Variants in IQSEC1 observed in about 807,000 individuals in gnomAD.
The protein encoded by IQSEC1 is IQ motif and Sec7 domain ArfGEF 1, also known as IQ motif and SEC7 domain-containing protein 1.
In IQSEC1, 31 loss-of-function variants were observed where a neutral mutation model predicts 91.0. The ratio of observed to expected loss-of-function variants is 0.34; its 90% CI spans 0.26 to 0.46. The LOEUF (loss-of-function observed/expected upper bound fraction) is 0.46, where lower values mean the gene tolerates loss of function less well. Ranked by LOEUF, IQSEC1 falls within the 20% of genes least tolerant of loss-of-function variation. IQSEC1 has a pLI of 1.00. For missense variants in IQSEC1, 1,388 were observed against 1,575.6 expected, an observed-to-expected ratio of 0.88 and a Z score of 2.02; for synonymous variants, 699 against 662.6, an observed-to-expected ratio of 1.05 and a Z score of -0.84.
At chr3:13,015,492 GCAGGCTGCC>G in intron 1 of IQSEC1, 1 of 891,932 alleles carries the variant, frequency 1.1e-6, no homozygotes, top group Non-Finnish European at 1.3e-6. Context: ...CCTCACCACG[GCAGGCTGCC>G]CTGACAGTCG....
At chr3:13,047,599 AG>A (rs1004103983) in intron 1 of IQSEC1, 1 of 735,700 alleles carries the variant, frequency 1.4e-6, no homozygotes, top group African/African-American at 1.9e-5. Context: ...ATGTCCACTC[AG>A]GCCCCAGCAG....
chr3:13,075,743 C>T (rs985498277), upstream of IQSEC1, among the ~76,000 whole-genome samples: 11 of 152,362 alleles, frequency 7.2e-5, no homozygotes, highest in East Asian at 1.7e-3. Context: ...GTGCCTACAA[C>T]CCACCTGCAC....
At chr3:13,203,313 C>T (rs1694280977) in intron 1 of IQSEC1, among the ~76,000 whole-genome samples, 1 of 152,208 alleles carries the variant, frequency 6.6e-6, no homozygotes, top group Non-Finnish European at 1.5e-5. Context: ...CTCCCACTGC[C>T]ACTAGTTCTT....
intron 1 of IQSEC1, among the ~76,000 whole-genome samples, chr3:13,044,571 C>A (rs1048611680): frequency 6.6e-6 from 1 of 152,238 alleles, no homozygotes; most frequent in Non-Finnish European, 1.5e-5. Flanking sequence ...GACACCCCAA[C>A]TTGGGCTGAT....
chr3:13,001,996 G>A (rs1417160324), intron 1 of IQSEC1, among the ~76,000 whole-genome samples: 2 of 152,068 alleles, frequency 1.3e-5, no homozygotes, highest in African/African-American at 4.8e-5. Context: ...AGGCAGGGTG[G>A]GGGGTGGCAG....
chr3:13,027,209 T>A (rs895137650), intron 1 of IQSEC1, among the ~76,000 whole-genome samples: 1 of 151,994 alleles, frequency 6.6e-6, no homozygotes, highest in Non-Finnish European at 1.5e-5. Flanking sequence ...GAGCGTTGGG[T>A]CTTGGAGGAC....
chr3:13,217,489 T>C (rs1694572764), intron 1 of IQSEC1, among the ~76,000 whole-genome samples: 3 of 152,164 alleles, frequency 2.0e-5, no homozygotes, highest in South Asian at 4.1e-4. Context: ...TTTCTCTCCA[T>C]TCACACCATT....
chr3:12,989,198 C>A (rs533435690), intron 1 of IQSEC1, among the ~76,000 whole-genome samples: 1 of 152,184 alleles, frequency 6.6e-6, no homozygotes, highest in Non-Finnish European at 1.5e-5. Context: ...TAAAAGCTCC[C>A]GGAGGGCATG....
intron 1 of IQSEC1, among the ~76,000 whole-genome samples, chr3:13,175,396 A>G (rs565932064): frequency 4.6e-5 from 7 of 152,196 alleles, no homozygotes; most frequent in Non-Finnish European, 1.0e-4. Flanking sequence ...CCTGGGCTGC[A>G]GTCAGGAGGC....
intron 1 of IQSEC1, among the ~76,000 whole-genome samples, chr3:13,066,314 T>C (rs1164556113): frequency 6.6e-6 from 1 of 152,268 alleles, no homozygotes; most frequent in African/African-American, 2.4e-5. Flanking sequence ...GATTTGTACC[T>C]TGTCAGGCCA....
intron 1 of IQSEC1, among the ~76,000 whole-genome samples, chr3:13,209,196 C>T (rs1694400436): frequency 6.6e-6 from 1 of 152,216 alleles, no homozygotes; most frequent in Non-Finnish European, 1.5e-5. Flanking sequence ...AAGAGGCATG[C>T]AGCCCACAAA....
chr3:12,936,439 C>T lies in IQSEC1; in HGVS notation c.577G>A (p.Gly193Arg). The change falls in exon 3 of 14, where the codon GGA (glycine) becomes AGA (arginine). Residue 193 changes from glycine (G) to arginine (R), a missense_variant. By Grantham distance (125) the Gly-to-Arg change is moderately radical. This residue lies in a region of IQSEC1 where 1,059 missense variants were observed against 1,317.8 expected (regional missense o/e 0.80). Transcript: ENST00000613206. The stretch of plus-strand genomic sequence containing the variant: ...CCACACTCAGGGGACACCAGGGCTC[C>T]CAGCTGGGAGCCGTCGTTAGTCACT... Reference protein sequence around the residue: ...VSVTNDGSQLGALVSPECGDL... With the variant: ...VSVTNDGSQLRALVSPECGDL... The T allele has an allele frequency of 6.2e-7, 1 of 1,603,844 alleles. No individual in the cohort carries two copies. The highest frequency in any genetic ancestry group is 8.5e-7 in the Non-Finnish European group (1 of 1,173,514).
chr3:13,196,763 T>C (rs1176135316), intron 1 of IQSEC1, among the ~76,000 whole-genome samples: 1 of 147,996 alleles, frequency 6.8e-6, no homozygotes, highest in African/African-American at 2.6e-5. Flanking sequence ...TGTGTGTGTG[T>C]GTGTGTGTGT....
At chr3:13,083,639 G>A (rs898667847) in intron 2 of IQSEC1, among the ~76,000 whole-genome samples, 7 of 152,258 alleles carry the variant, frequency 4.6e-5, no homozygotes, top group African/African-American at 1.7e-4. Context: ...GCCTGTGGCC[G>A]CAGGGTCTCT....
intron 1 of IQSEC1, among the ~76,000 whole-genome samples, chr3:13,034,866 G>A (rs1703977676): frequency 6.6e-6 from 1 of 152,236 alleles, no homozygotes; most frequent in Non-Finnish European, 1.5e-5. Context: ...AGGCCCACAT[G>A]CAGCTCCTGT....
intron 1 of IQSEC1, among the ~76,000 whole-genome samples, chr3:13,228,091 T>C (rs1480784389): frequency 6.6e-6 from 1 of 152,096 alleles, no homozygotes; most frequent in Non-Finnish European, 1.5e-5. Context: ...TCTCCTGACC[T>C]CCAGGCAGCC....
chr3:13,273,893 C>G (rs1187776620), intron 1 of IQSEC1, among the ~76,000 whole-genome samples: 1 of 152,176 alleles, frequency 6.6e-6, no homozygotes. Flanking sequence ...CCTCACTCTG[C>G]CCCATGCACA....
intron 2 of IQSEC1, among the ~76,000 whole-genome samples, chr3:13,159,740 C>T (rs1468283990): frequency 6.6e-6 from 1 of 152,184 alleles, no homozygotes; most frequent in Non-Finnish European, 1.5e-5. Flanking sequence ...GGAACTTATT[C>T]CTATGACTGA....
At chr3:13,192,337 C>CA (rs540610255) in intron 1 of IQSEC1, among the ~76,000 whole-genome samples, 1,525 of 94,686 alleles carry the variant, frequency 0.016, 15 homozygotes, top group East Asian at 0.037. Context: ...GACTCTGTCT[C>CA]AAAAAAAAAA....
Sources: allele counts gnomAD v4.1 joint callset (sites outside exome capture counted in the v4.1 genomes callset), GRCh38; gene constraint gnomAD v4.1.1; regional missense constraint gnomAD v4.1.1; transcripts MANE v1.5; gene names NCBI Gene and HGNC (gene_info 2026-07-23, HGNC 2026-07-21).